CSMD1: variants seen among roughly 807,000 people sequenced by gnomAD.
The protein encoded by CSMD1 is CUB and sushi domain-containing protein 1.
A neutral mutation model predicts 417.5 loss-of-function variants in CSMD1; 213 were observed. That is an observed-to-expected ratio of 0.51 (90% CI 0.46 to 0.57). The LOEUF (loss-of-function observed/expected upper bound fraction) is 0.57, where lower values mean the gene tolerates loss of function less well. CSMD1 is among the 20% of genes least tolerant of loss of function. The pLI is 0.00. For missense variants in CSMD1, 6,923 were observed against 4,529.7 expected (o/e 1.53, Z -15.17); for synonymous variants, 2,862 against 1,736.8 (o/e 1.65, Z -16.11).
At chr8:4,070,668 C>A (rs533084769) in intron 3 of CSMD1, among the ~76,000 whole-genome samples, 9 of 152,050 alleles carry the variant, frequency 5.9e-5, no homozygotes, top group Non-Finnish European at 1.0e-4. Context: ...CCACCTATAA[C>A]ACTCTCTATT....
At chr8:4,478,577 A>C (rs1800927285) in intron 2 of CSMD1, among the ~76,000 whole-genome samples, 1 of 152,204 alleles carries the variant, frequency 6.6e-6, no homozygotes. Context: ...ATAGTAAACG[A>C]CATTAATAAT....
chr8:3,439,060 T>C (rs1371117904), intron 12 of CSMD1, among the ~76,000 whole-genome samples: 1 of 122,498 alleles, frequency 8.2e-6, no homozygotes, highest in East Asian at 2.5e-4. Flanking sequence ...GAGGTGGAGG[T>C]TGCAGTGAGC....
intron 2 of CSMD1, among the ~76,000 whole-genome samples, chr8:4,630,893 G>C (rs76535315): frequency 0.048 from 7,309 of 152,196 alleles, 212 homozygotes; most frequent in East Asian, 0.12. Context: ...CCCTGTGCTG[G>C]TCATATTTGC....
At chr8:4,129,673 T>A (rs1432860820) in intron 3 of CSMD1, among the ~76,000 whole-genome samples, 1 of 152,184 alleles carries the variant, frequency 6.6e-6, no homozygotes, top group East Asian at 1.9e-4. Flanking sequence ...TGTTCTGAAA[T>A]CACCTAATGA....
At chr8:3,534,877 G>C (rs796139518) in intron 10 of CSMD1, among the ~76,000 whole-genome samples, 33 of 152,302 alleles carry the variant, frequency 2.2e-4, no homozygotes, top group African/African-American at 7.0e-4. Flanking sequence ...CCATCTGGGA[G>C]CTACTTGGTA....
intron 6 of CSMD1, among the ~76,000 whole-genome samples, chr8:3,721,901 C>T (rs932609539): frequency 3.9e-5 from 6 of 152,078 alleles, no homozygotes; most frequent in African/African-American, 1.4e-4. Context: ...AGCTGACTGT[C>T]CACAATGGGA....
chr8:4,299,067 T>C (rs1797840821), intron 3 of CSMD1, among the ~76,000 whole-genome samples: 1 of 152,136 alleles, frequency 6.6e-6, no homozygotes, highest in South Asian at 2.1e-4. Flanking sequence ...CTGTTAATCC[T>C]ATTTCTTACT....
At chr8:4,527,718 T>C (rs1444064166) in intron 2 of CSMD1, among the ~76,000 whole-genome samples, 1 of 152,192 alleles carries the variant, frequency 6.6e-6, no homozygotes, top group Non-Finnish European at 1.5e-5. Flanking sequence ...ATAGGTACAC[T>C]GATAATGAAA....
rs145201397 is a variant in CSMD1 at position 3,587,593 on chromosome 8, G to A, written c.1098-1333C>T. 3.0e-3 allele frequency among the ~76,000 whole-genome samples: 461 copies of A among 152,100 alleles called. 7 individuals are homozygous for A. In the East Asian group the frequency reaches 0.051, roughly 17 times the overall value. On this transcript the variant is annotated intron_variant, in intron 8 of 69. Coordinates refer to ENST00000635120, the MANE Select transcript of CSMD1 (RefSeq NM_033225.6). Reference sequence around the variant, plus strand: ...GAGTGAATATCATTCAAGTAACATCGCACCAGCATCCCCCACGGCATCTAT... The same window carrying A: ...GAGTGAATATCATTCAAGTAACATCACACCAGCATCCCCCACGGCATCTAT...
intron 1 of CSMD1, among the ~76,000 whole-genome samples, chr8:4,775,123 T>G (rs947700983): frequency 6.6e-6 from 1 of 152,158 alleles, no homozygotes; most frequent in Non-Finnish European, 1.5e-5. Flanking sequence ...TAAAATAATA[T>G]GTGTAAACAG....
intron 1 of CSMD1, among the ~76,000 whole-genome samples, chr8:4,912,948 G>C (rs926767237): frequency 6.6e-6 from 1 of 152,100 alleles, no homozygotes; most frequent in East Asian, 1.9e-4. Context: ...ACCTCACCCA[G>C]CTAATTTGTT....
chr8:4,636,902 A>C (rs938857185), intron 2 of CSMD1, among the ~76,000 whole-genome samples: 1 of 152,122 alleles, frequency 6.6e-6, no homozygotes, highest in Non-Finnish European at 1.5e-5. Flanking sequence ...GCACTCTGTA[A>C]AACACACCAA....
chr8:3,006,266 TAA>T (rs1259563902), intron 52 of CSMD1, among the ~76,000 whole-genome samples: 1 of 151,302 alleles, frequency 6.6e-6, no homozygotes, highest in Non-Finnish European at 1.5e-5. Flanking sequence ...CTCAAGGAAA[TAA>T]AAGAGGATAC....
At chr8:3,621,455 G>A (rs1796239090) in intron 7 of CSMD1, among the ~76,000 whole-genome samples, 2 of 152,088 alleles carry the variant, frequency 1.3e-5, no homozygotes, top group African/African-American at 4.8e-5. Context: ...AGAGAAGAAG[G>A]AATATAAGGT....
intron 11 of CSMD1, among the ~76,000 whole-genome samples, chr8:3,486,673 C>T (rs900745147): frequency 6.6e-6 from 1 of 152,192 alleles, no homozygotes; most frequent in Non-Finnish European, 1.5e-5. Flanking sequence ...CAGCAGCTGC[C>T]CTCGGGCTCC....
intron 6 of CSMD1, among the ~76,000 whole-genome samples, chr8:3,715,124 C>T (rs1160558201): frequency 2.0e-5 from 3 of 152,126 alleles, no homozygotes; most frequent in South Asian, 2.1e-4. Context: ...GAAGAGTCAT[C>T]GAAATTCAGA....
At position 2,943,066 on chromosome 8, in the gene CSMD1, G is replaced by T. The variant is rs1023235028; in HGVS notation, c.10403-462C>A. ...AAATGGCATTGCATTCTTCATATGTGAATAGGATGGTGTCATCTGTCTTTA... is the reference window on the plus strand; with the variant it reads ...AAATGGCATTGCATTCTTCATATGTTAATAGGATGGTGTCATCTGTCTTTA... On this transcript the variant is annotated intron_variant, in intron 68 of 69. Transcript: ENST00000635120. 3.9e-5 allele frequency among the ~76,000 whole-genome samples: 6 copies of T among 152,100 alleles called. 1 individual carries two copies. The highest frequency in any genetic ancestry group is 4.2e-4 in the South Asian group (2 of 4,818).
intron 2 of CSMD1, among the ~76,000 whole-genome samples, chr8:4,496,924 G>A (rs193110582): frequency 1.4e-4 from 22 of 152,242 alleles, no homozygotes; most frequent in South Asian, 1.0e-3. Context: ...ATCAAAGAGC[G>A]CAGGCACAGA....
chr8:3,538,852 C>A (rs539544963), intron 10 of CSMD1, among the ~76,000 whole-genome samples: 3 of 152,314 alleles, frequency 2.0e-5, no homozygotes, highest in African/African-American at 7.2e-5. Flanking sequence ...CTGCTGCGGT[C>A]TTCCTAAGTG....
Sources: allele counts gnomAD v4.1 joint callset (sites outside exome capture counted in the v4.1 genomes callset), GRCh38; gene constraint gnomAD v4.1.1; transcripts MANE v1.5; gene names NCBI Gene and HGNC (gene_info 2026-07-23, HGNC 2026-07-21).